SBK1: variants seen among roughly 807,000 people sequenced by gnomAD.
The protein encoded by SBK1 is SH3 domain binding kinase 1, also known as serine/threonine-protein kinase SBK1.
A neutral mutation model predicts 24.4 loss-of-function variants in SBK1; 11 were observed. The ratio of observed to expected loss-of-function variants is 0.45; its 90% CI spans 0.28 to 0.75. SBK1 has a LOEUF of 0.75. Ranked by LOEUF, SBK1 falls within the 30% of genes least tolerant of loss-of-function variation. SBK1 has a pLI of 0.12. For synonymous variants in SBK1, 308 were observed against 284.4 expected (o/e 1.08, Z -0.83); for missense variants, 467 against 620.5 (o/e 0.75, Z 2.63).
chr16:28,313,339 G>A (rs143872519), intron 1 of SBK1, among the ~76,000 whole-genome samples: 319 of 150,986 alleles, frequency 2.1e-3, no homozygotes, highest in Admixed American at 5.3e-3. Context: ...GGCTGGGTGC[G>A]GTGGTTCACA....
chr16:28,267,796 G>A (rs1321901736), intron 1 of SBK1, among the ~76,000 whole-genome samples: 2 of 152,198 alleles, frequency 1.3e-5, no homozygotes, highest in African/African-American at 4.8e-5. Flanking sequence ...CTCTGGAAAT[G>A]AGAGTAAAGC....
chr16:28,261,816 G>A (rs942574311), intron 1 of SBK1, among the ~76,000 whole-genome samples: 1 of 152,182 alleles, frequency 6.6e-6, no homozygotes, highest in Non-Finnish European at 1.5e-5. Flanking sequence ...AAAGAGACAG[G>A]AATAGGCCTT....
chr16:28,283,846 T>A (rs1366741699), intron 1 of SBK1, among the ~76,000 whole-genome samples: 3 of 151,574 alleles, frequency 2.0e-5, no homozygotes, highest in Non-Finnish European at 4.4e-5. Context: ...CCTTCCCCAC[T>A]CCGACCTGCC....
At chr16:28,266,945 C>T (rs1274724036) in intron 1 of SBK1, among the ~76,000 whole-genome samples, 2 of 151,710 alleles carry the variant, frequency 1.3e-5, no homozygotes, top group Non-Finnish European at 2.9e-5. Flanking sequence ...CTCACTCTGT[C>T]GCCCAGGCTG....
chr16:28,320,861 C>T lies in SBK1; in HGVS notation c.1215C>T (p.Gly405=), dbSNP rs149836448. 18,990 of 1,492,854 alleles carry T rather than the reference C, an allele frequency of 0.013. 223 individuals carry two copies. Among genetic ancestry groups the T allele is most frequent in the African/African-American group, 0.044 (3,007 of 68,398 alleles). The allele number at this position is 1,492,854 out of a possible 1,614,324, so 92.5% of individuals were successfully genotyped here. The change falls in exon 4 of 4, where the codon GGC becomes GGT. Residue 405 remains glycine, a synonymous_variant. Coordinates refer to ENST00000341901, the MANE Select transcript of SBK1 (RefSeq NM_001024401.3). The surrounding 1 kb of genome is among the most constrained non-coding windows in gnomAD (Gnocchi z 8.5). ...APQGPPGRTD[G]RADKSKGQVV... ...AGGGGCCCCCCGGCCGGACCGACGG[C>T]CGCGCGGACAAGAGCAAAGGGCAGG...
chr16:28,271,532 G>A (rs1181315098), intron 1 of SBK1, among the ~76,000 whole-genome samples: 1 of 152,136 alleles, frequency 6.6e-6, no homozygotes, highest in African/African-American at 2.4e-5. Flanking sequence ...ACTCCAGGCT[G>A]GGTGACAGAA....
chr16:28,300,630 C>T (rs2044672418), intron 1 of SBK1, among the ~76,000 whole-genome samples: 1 of 152,154 alleles, frequency 6.6e-6, no homozygotes, highest in Admixed American at 6.5e-5. Context: ...GGCCAAGCTT[C>T]CTATCTCAGA....
chr16:28,271,817 C>T (rs80158747), intron 1 of SBK1, among the ~76,000 whole-genome samples: 8,685 of 152,002 alleles, frequency 0.057, 536 homozygotes, highest in Admixed American at 0.19. Context: ...CCAGGAAAAC[C>T]GAAACTTTTG....
rs1253405332 is a variant in SBK1 at position 28,322,912 on chromosome 16, C to T, written c.*1991C>T. The stretch of plus-strand genomic sequence containing the variant: ...CCCTTGCCGTGCTCGCTCTCTCTCT[C>T]GCGCGCGCTCTCTCTCTCCCTCTCT... On this transcript the variant is annotated 3_prime_UTR_variant, in exon 4 of 4. Transcript: ENST00000341901. 1.3e-5 allele frequency: 1 copy of T among 76,428 alleles called. No individual in the cohort carries two copies. The highest frequency in any genetic ancestry group is 2.9e-5 in the Non-Finnish European group (1 of 34,860). The allele number at this position is 76,428 out of a possible 1,614,324, so 4.7% of individuals were successfully genotyped here.
At chr16:28,262,258 T>C (rs76498707) in intron 1 of SBK1, among the ~76,000 whole-genome samples, 6,227 of 152,248 alleles carry the variant, frequency 0.041, 191 homozygotes, top group Non-Finnish European at 0.055. Flanking sequence ...CTCCCAGCCT[T>C]GCTCCAGCCC....
intron 1 of SBK1, among the ~76,000 whole-genome samples, chr16:28,265,641 A>C (rs2044423523): frequency 1.3e-5 from 2 of 152,234 alleles, no homozygotes; most frequent in Admixed American, 6.5e-5. Context: ...AAAAAAGATT[A>C]GATTTAGTGA....
intron 1 of SBK1, among the ~76,000 whole-genome samples, chr16:28,306,711 G>A (rs575240779): frequency 3.9e-5 from 6 of 152,292 alleles, no homozygotes; most frequent in East Asian, 3.9e-4. Context: ...GCAAGAAACC[G>A]AAGAGCTCCT....
In SBK1 at chr16:28,259,556, C is replaced by A. The variant is rs549843069; in HGVS notation, c.257+54C>A. 7.3e-6 allele frequency: 4 copies of A among 547,280 alleles called. No individual in the cohort carries two copies. Among genetic ancestry groups the A allele is most frequent in the Admixed American group, 6.3e-5 (1 of 15,750 alleles). The allele number at this position is 547,280 out of a possible 1,614,324, so 33.9% of individuals were successfully genotyped here. ...GGCAGCAGGTGGGCACAGCGCTCGA[C>A]CCAGGGTGCCTGTGGGCCTGGCAGT... On this transcript the variant is annotated intron_variant, in intron 1 of 3. Transcript: ENST00000671413. This position sits in a 1 kb window ranked among gnomAD's most constrained non-coding sequence, Gnocchi z 6.0.
intron 1 of SBK1, among the ~76,000 whole-genome samples, chr16:28,277,762 A>G (rs1475346087): frequency 6.6e-6 from 1 of 152,230 alleles, no homozygotes; most frequent in Non-Finnish European, 1.5e-5. Flanking sequence ...CGATCAGAAG[A>G]TGGAAATGTC....
At chr16:28,266,333 C>T (rs919494738) in intron 1 of SBK1, among the ~76,000 whole-genome samples, 1 of 152,026 alleles carries the variant, frequency 6.6e-6, no homozygotes. Flanking sequence ...CACCACTGCA[C>T]TCAACCCTAG....
intron 1 of SBK1, among the ~76,000 whole-genome samples, chr16:28,310,853 G>C (rs932349381): frequency 6.6e-6 from 1 of 152,140 alleles, no homozygotes; most frequent in African/African-American, 2.4e-5. Context: ...CAGAGCAGTG[G>C]TGTGACTTGC....
upstream of SBK1, chr16:28,259,239 G>C (rs1163873502): frequency 1.3e-5 from 2 of 153,240 alleles, no homozygotes; most frequent in Admixed American, 1.3e-4. This position sits in a 1 kb window ranked among gnomAD's most constrained non-coding sequence, Gnocchi z 6.0. Flanking sequence ...CGGGCAACCT[G>C]AGTGAGAAGG....
chr16:28,320,275 G>T lies in SBK1; in HGVS notation c.629G>T (p.Gly210Val). The T allele has an allele frequency of 6.3e-7, 1 of 1,590,080 alleles. No homozygotes were observed. ...RVGCRVKRVS[G>V]TIPYTAPEVC... ...GGCTGCCGCGTCAAGCGCGTGAGCG[G>T]CACCATCCCTTACACGGCGCCTGAG... The change falls in exon 4 of 4, where the codon GGC becomes GTC. Residue 210 changes from glycine to valine, a missense_variant. By Grantham distance (109) the Gly-to-Val change is moderately radical. This residue lies in a region of SBK1 where 92 missense variants were observed against 193.8 expected (regional missense o/e 0.47). Coordinates refer to ENST00000341901, the MANE Select transcript of SBK1 (RefSeq NM_001024401.3). This position sits in a 1 kb window ranked among gnomAD's most constrained non-coding sequence, Gnocchi z 8.5.
intron 1 of SBK1, among the ~76,000 whole-genome samples, chr16:28,283,777 C>T (rs2044547739): frequency 6.6e-6 from 1 of 152,158 alleles, no homozygotes; most frequent in South Asian, 2.1e-4. Flanking sequence ...TCATGCCAGA[C>T]CCAGCTGGTC....
Sources: allele counts gnomAD v4.1 joint callset (sites outside exome capture counted in the v4.1 genomes callset), GRCh38; gene constraint gnomAD v4.1.1; regional missense constraint gnomAD v4.1.1; non-coding constraint Gnocchi (gnomAD v3.1); transcripts MANE v1.5; gene names NCBI Gene and HGNC (gene_info 2026-07-23, HGNC 2026-07-21).